The following PARG variants were observed in gnomAD, a reference collection of about 807,000 sequenced individuals.
PARG encodes mitochondrial poly(ADP-ribose) glycohydrolase.
PARG carries 35 observed loss-of-function variants against 113.0 expected under a neutral mutation model. The ratio of observed to expected loss-of-function variants is 0.31; its 90% confidence interval spans 0.24 to 0.41. The LOEUF is 0.41. Ranked by LOEUF, PARG falls within the 10% of genes least tolerant of loss-of-function variation. The pLI is 1.00. For missense variants in PARG, 797 were observed against 1,169.4 expected, an observed-to-expected ratio of 0.68 and a Z score of 4.64; for synonymous variants, 330 against 409.9, an observed-to-expected ratio of 0.81 and a Z score of 2.36.
chr10:49,842,917 A>G (rs1845316134), intron 14 of PARG, among the ~76,000 whole-genome samples: 1 of 152,186 alleles, frequency 6.6e-6, no homozygotes, highest in Admixed American at 6.5e-5. Flanking sequence ...CGTGGGCAAG[A>G]GCTGATTCTT....
chr10:49,931,005 G>A (rs1238460092), intron 4 of PARG, among the ~76,000 whole-genome samples: 1 of 132,758 alleles, frequency 7.5e-6, no homozygotes, highest in Non-Finnish European at 1.6e-5. Context: ...TTTTTTAAAA[G>A]CAAGAACACA....
At chr10:49,922,213 G>C (rs1837913216) in intron 6 of PARG, 123 bp downstream of exon 6, 1 of 1,002,788 alleles carries the variant, frequency 1.0e-6, no homozygotes, top group African/African-American at 1.6e-5. Flanking sequence ...GCCTTCCTTA[G>C]TGCCAGGAAG....
intron 7 of PARG, among the ~76,000 whole-genome samples, chr10:49,893,559 A>G (rs537431295): frequency 8.8e-4 from 134 of 152,340 alleles, no homozygotes; most frequent in African/African-American, 2.8e-3. Context: ...CTGTGTCGCC[A>G]AAGCTGGAGT....
At chr10:49,844,208 C>G (rs1291400815) in intron 13 of PARG, among the ~76,000 whole-genome samples, 2 of 151,946 alleles carry the variant, frequency 1.3e-5, no homozygotes, top group Non-Finnish European at 2.9e-5. Flanking sequence ...TATAAGTAAA[C>G]TTAGATCAAG....
At chr10:49,907,337 A>G (rs1836909678) in intron 7 of PARG, among the ~76,000 whole-genome samples, 1 of 152,186 alleles carries the variant, frequency 6.6e-6, no homozygotes, top group Non-Finnish European at 1.5e-5. Context: ...TCATCACAAT[A>G]AATCGAGGAT....
intron 7 of PARG, among the ~76,000 whole-genome samples, chr10:49,911,888 T>G (rs1837206730): frequency 6.6e-6 from 1 of 152,188 alleles, no homozygotes; most frequent in Non-Finnish European, 1.5e-5. Context: ...GAGATAAATA[T>G]CAACAGCTTC....
At chr10:49,903,639 T>C (rs1467370602) in intron 7 of PARG, among the ~76,000 whole-genome samples, 11 of 151,738 alleles carry the variant, frequency 7.2e-5, no homozygotes, top group Non-Finnish European at 1.6e-4. Context: ...ACAGAGGAGT[T>C]TTTAGTAGCG....
chr10:49,837,759 T>C (rs1554831393), intron 15 of PARG, among the ~76,000 whole-genome samples: 2 of 152,230 alleles, frequency 1.3e-5, no homozygotes, highest in Non-Finnish European at 2.9e-5. Flanking sequence ...TTTTGGAATA[T>C]ATCAGTGAAT....
intron 7 of PARG, 50 bp from the exon 8 acceptor site, chr10:49,885,345 A>C (rs1469137202): frequency 4.5e-6 from 5 of 1,122,410 alleles, no homozygotes; most frequent in African/African-American, 1.5e-5. Context: ...CAGTAAATAT[A>C]ATAACTAATG....
At position 49,819,349 on chromosome 10, in the gene PARG, T is replaced by C. The variant is rs1283751760; in HGVS notation, c.2922A>G (p.Thr974=). The C allele has an allele frequency of 3.9e-6, 6 of 1,551,170 alleles. No individual in the cohort carries two copies. Among genetic ancestry groups the C allele is most frequent in the Middle Eastern group, 1.7e-4 (1 of 6,006 alleles). The change falls in exon 18 of 18, where the codon ACA becomes ACG. Residue 974 remains threonine (T), a synonymous_variant. Coordinates refer to ENST00000616448, the MANE Select transcript of PARG (RefSeq NM_003631.5). ...AETADHSGQR[T]GT is the part of the protein sequence containing the mutation. The stretch of plus-strand genomic sequence containing the variant: ...CTATTCGCTCGGCTCCTCAGGTCCC[T>C]GTCCTTTGCCCTGAATGGTCAGCGG...
At chr10:49,836,238 T>C (rs1214254033) in intron 15 of PARG, among the ~76,000 whole-genome samples, 1 of 150,850 alleles carries the variant, frequency 6.6e-6, no homozygotes, top group Non-Finnish European at 1.5e-5. Flanking sequence ...CTATACTTCT[T>C]TAACTTAATA....
chr10:49,865,157 A>T (rs1472694930), intron 11 of PARG, among the ~76,000 whole-genome samples, 164 bp downstream of exon 11: 4 of 152,114 alleles, frequency 2.6e-5, no homozygotes, highest in African/African-American at 2.4e-5. Flanking sequence ...CTTTTCAAAC[A>T]TGAGAGCTAT....
chr10:49,840,823 C>T (rs1845194378), intron 15 of PARG, among the ~76,000 whole-genome samples: 2 of 152,064 alleles, frequency 1.3e-5, no homozygotes, highest in Non-Finnish European at 2.9e-5. Context: ...ACTGGCACAC[C>T]ATGTATAGCC....
intron 15 of PARG, chr10:49,833,169 A>C: frequency 4.4e-6 from 1 of 224,978 alleles, no homozygotes; most frequent in Non-Finnish European, 8.6e-6. Context: ...CCTTAAACTA[A>C]TACAGGTCCC....
chr10:49,912,281 T>C (rs868914905), intron 7 of PARG, among the ~76,000 whole-genome samples: 8 of 151,620 alleles, frequency 5.3e-5, no homozygotes, highest in Non-Finnish European at 7.4e-5. Context: ...GCCTGGGCAA[T>C]AGAGTGAGAT....
chr10:49,878,478 C>T (rs2664607), intron 9 of PARG, among the ~76,000 whole-genome samples: 5 of 150,506 alleles, frequency 3.3e-5, no homozygotes, highest in Admixed American at 6.6e-5. Context: ...ATTAGCCAGG[C>T]GTGGTGGCAT....
At chr10:49,825,583 T>A (rs1395101243) in intron 16 of PARG, among the ~76,000 whole-genome samples, 1 of 152,204 alleles carries the variant, frequency 6.6e-6, no homozygotes, top group Non-Finnish European at 1.5e-5. Flanking sequence ...TAGAACATAG[T>A]ATGCACTCAA....
At chr10:49,875,900 T>TA (rs1428084984) in intron 9 of PARG, among the ~76,000 whole-genome samples, 2 of 151,458 alleles carry the variant, frequency 1.3e-5, no homozygotes, top group Admixed American at 6.6e-5. Flanking sequence ...TCCCCTACAC[T>TA]ATCCCAGCTA....
chr10:49,837,905 A>G (rs1024991380), intron 15 of PARG, among the ~76,000 whole-genome samples: 1 of 152,212 alleles, frequency 6.6e-6, no homozygotes, highest in Non-Finnish European at 1.5e-5. Flanking sequence ...GGAACCCTCA[A>G]ATTTCCTTGA....
Sources: gnomAD v4.1 joint callset for allele counts (sites outside exome capture counted in the v4.1 genomes callset) on GRCh38, gnomAD v4.1.1 for gene constraint, MANE v1.5 for transcripts, NCBI Gene and HGNC (gene_info 2026-07-23, HGNC 2026-07-21) for gene names.